Variants in AKAP9 observed in about 807,000 individuals in gnomAD.
The protein encoded by AKAP9 is A-kinase anchor protein 9.
AKAP9 carries 311 observed loss-of-function variants against 488.5 expected under a neutral mutation model. The observed-to-expected ratio is 0.64, with a 90% CI of 0.58 to 0.70. The LOEUF is 0.70. AKAP9 is among the 30% of genes least tolerant of loss of function. AKAP9 has a pLI of 0.00. For synonymous variants in AKAP9, 1,462 were observed against 1,483.5 expected (o/e 0.99, Z 0.33); for missense variants, 4,215 against 4,374.5 (o/e 0.96, Z 1.03).
chr7:92,104,198 T>A lies in AKAP9; in HGVS notation c.11330+1372T>A, dbSNP rs145126194. On this transcript the variant is annotated intron_variant, in intron 46 of 49. Transcript: ENST00000356239. ...GCTTTATTTATTTATTTATTTTTTT[T>A]TTTTTTTTTTGAGACAGAGTCTTGC... is the stretch of plus-strand genomic sequence containing the variant. Among the ~76,000 whole-genome samples, 567 of 86,488 alleles carry A rather than the reference T, an allele frequency of 6.6e-3. 5 individuals carry two copies. The highest frequency in any genetic ancestry group is 0.011 in the African/African-American group (240 of 22,250). The allele number at this position is 86,488 out of a possible 152,430, so 56.7% of individuals were successfully genotyped here. A position where few individuals can be genotyped will look rare whatever the true frequency, so the allele number is the denominator to read the frequency against.
At chr7:92,050,505 G>A (rs991211646) in intron 21 of AKAP9, among the ~76,000 whole-genome samples, 3 of 152,102 alleles carry the variant, frequency 2.0e-5, no homozygotes, top group Non-Finnish European at 4.4e-5. Context: ...CTTCCCAGTC[G>A]TTGTCTTGTT....
chr7:92,029,481 TA>T (rs961897892), intron 14 of AKAP9, among the ~76,000 whole-genome samples: 1 of 152,016 alleles, frequency 6.6e-6, no homozygotes, highest in Non-Finnish European at 1.5e-5. Flanking sequence ...TAGATAACTT[TA>T]AAAAAAATGT....
intron 37 of AKAP9, 98 bp downstream of exon 37, chr7:92,086,514 TAGG>T (rs1362911490): frequency 2.1e-6 from 2 of 930,516 alleles, no homozygotes; most frequent in African/African-American, 3.3e-5. Context: ...AAGATTTTAA[TAGG>T]AGCCACTATG....
intron 40 of AKAP9, 28 bp from the exon 41 acceptor site, chr7:92,096,661 G>A (rs1425393403): frequency 5.0e-6 from 8 of 1,612,758 alleles, no homozygotes; most frequent in Admixed American, 3.3e-5. Flanking sequence ...ATATTAACAA[G>A]TTCTTAAATT....
chr7:92,028,716 A>G (rs1224785503), intron 14 of AKAP9, among the ~76,000 whole-genome samples: 5 of 152,250 alleles, frequency 3.3e-5, no homozygotes, highest in African/African-American at 4.8e-5. Context: ...AAATACTTAA[A>G]TGATACTATT....
chr7:91,948,611 T>C (rs1294034673), intron 1 of AKAP9, among the ~76,000 whole-genome samples: 496 of 24,980 alleles, frequency 0.02, 1 homozygote, highest in African/African-American at 0.048. Flanking sequence ...ATTTCTTTTT[T>C]TTTTTTTTTT....
Position 92,001,898 on chromosome 7 carries a change from A to C in AKAP9, c.1981A>C (p.Ile661Leu), listed in dbSNP as rs961090757. Residue 661 changes from isoleucine to leucine, a missense_variant, in exon 8 of 50, where the codon ATT (isoleucine) becomes CTT (leucine). By Grantham distance (5) the Ile-to-Leu change is conservative. Coordinates refer to ENST00000356239, the MANE Select transcript of AKAP9 (RefSeq NM_005751.5). ...NIEKLKDNLG[I>L]HYKQQIDGLQ... Reference sequence around the variant, plus strand: ...TGAAAAACTTAAAGATAATTTAGGCATTCACTATAAACAGCAGATAGATGG... The same window carrying C: ...TGAAAAACTTAAAGATAATTTAGGCCTTCACTATAAACAGCAGATAGATGG... The C allele has an allele frequency of 2.0e-5, 32 of 1,612,458 alleles. No individual in the cohort carries two copies. Among genetic ancestry groups the C allele is most frequent in the Non-Finnish European group, 2.7e-5 (32 of 1,178,928 alleles).
Position 92,054,913 on chromosome 7 carries a change from C to A in AKAP9, c.5601+1955C>A, listed in dbSNP as rs187996138. ...TTTAACACAATCCTTATTCAGTAGT[C>A]TCTTTGTGGTTCTGCAGAAATGTTA... On this transcript the variant is annotated intron_variant, in intron 22 of 49. Coordinates refer to ENST00000356239, the MANE Select transcript of AKAP9 (RefSeq NM_005751.5). 9.9e-5 allele frequency among the ~76,000 whole-genome samples: 15 copies of A among 152,060 alleles called. No homozygotes were observed. The South Asian group carries it at 1.0e-3, about 11-fold the overall frequency.
Position 92,062,290 on chromosome 7 carries a change from T to C in AKAP9, c.5781T>C (p.Tyr1927=). The change falls in exon 24 of 50, where the codon TAT becomes TAC. Residue 1927 remains tyrosine, a synonymous_variant. Transcript: ENST00000356239. ...LSKAEGVIDG[Y]ADEKTLFERQ... ...GTATTATAGGCGTCATTGATGGCTA[T>C]GCAGATGAAAAAACTCTTTTTGAAA... is the stretch of plus-strand genomic sequence containing the variant. 1.2e-6 allele frequency: 2 copies of C among 1,613,232 alleles called. No homozygotes were observed. Among genetic ancestry groups the C allele is most frequent in the South Asian group, 1.1e-5 (1 of 91,054 alleles).
rs35346628 is a variant in AKAP9, at chr7:92,045,830, C to CTTTTTT, written c.5368+633_5368+638dup. 1.4e-3 allele frequency among the ~76,000 whole-genome samples: 152 copies of CTTTTTT among 108,850 alleles called. 1 individual carries two copies. The highest frequency in any genetic ancestry group is 2.0e-3 in the Non-Finnish European group (109 of 53,418). The allele number at this position is 108,850 out of a possible 152,430, so 71.4% of individuals were successfully genotyped here. A position where few individuals can be genotyped will look rare whatever the true frequency, so the allele number is the denominator to read the frequency against. ...GTGGATTCAGCTCTTCTTTCCGTTT[C>CTTTTTT]TTTTTTTTTTTTTTTTTTTTTGAGA... On this transcript the variant is annotated intron_variant, in intron 21 of 49. Coordinates refer to ENST00000356239, the MANE Select transcript of AKAP9 (RefSeq NM_005751.5).
intron 7 of AKAP9, among the ~76,000 whole-genome samples, chr7:91,998,416 CTCTTTTTTTTTTTTTTTT>C (rs1222876256): frequency 5.2e-5 from 3 of 57,354 alleles, no homozygotes; most frequent in East Asian, 4.6e-4. Flanking sequence ...AACCACAGGG[CTCTTTTTTTTTTTTTTTT>C]TTTTTTTTTT....
rs192071563 is a variant in AKAP9, at chr7:91,979,242, G to A, written c.307-1047G>A. On this transcript the variant is annotated intron_variant, in intron 2 of 49. Transcript: ENST00000356239. ...GAAAAAGAGGTTTAATGGACTCACAGTTCCACGTGGCTGGTGAGGCCTCAC... is the reference window on the plus strand; with the variant it reads ...GAAAAAGAGGTTTAATGGACTCACAATTCCACGTGGCTGGTGAGGCCTCAC... Among the ~76,000 whole-genome samples, 363 of 152,244 alleles carry A rather than the reference G, an allele frequency of 2.4e-3. 2 individuals are homozygous for A. The highest frequency in any genetic ancestry group is 7.4e-3 in the South Asian group (36 of 4,834).
chr7:92,040,998 GC>G, intron 18 of AKAP9, 100 bp downstream of exon 18: 1 of 1,026,792 alleles, frequency 9.7e-7, no homozygotes, highest in Non-Finnish European at 1.4e-6. Flanking sequence ...TTTTTATGTA[GC>G]CATAATTTTT....
At chr7:91,994,064 G>A (rs1203687188) in intron 5 of AKAP9, among the ~76,000 whole-genome samples, 3 of 152,148 alleles carry the variant, frequency 2.0e-5, no homozygotes, top group Non-Finnish European at 1.5e-5. Flanking sequence ...AGGAGATTGA[G>A]GCTGTAGTGA....
chr7:92,002,716 TGTTGAAAAGGATACAACAGAAC>T lies in AKAP9; in HGVS notation c.2800_2821del (p.Val934SerfsTer7). Reference sequence around the variant, plus strand: ...CAGAAACATTGGAAATGGGTGAGGTTGTTGAAAAGGATACAACAGAACTCATGGAAAAACTTGAGGTAACCAA... The same window carrying T: ...CAGAAACATTGGAAATGGGTGAGGTTTCATGGAAAAACTTGAGGTAACCAA... On this transcript the variant is annotated frameshift_variant, in exon 8 of 50. Transcript: ENST00000356239. LOFTEE classifies it high-confidence loss of function. 6.2e-7 allele frequency: 1 copy of T among 1,613,634 alleles called. No individual in the cohort carries two copies. The highest frequency in any genetic ancestry group is 8.5e-7 in the Non-Finnish European group (1 of 1,179,704).
chr7:92,079,088 G>GA lies in AKAP9; in HGVS notation c.6962dup (p.Asn2321LysfsTer2). 1.9e-6 allele frequency: 3 copies of GA among 1,601,332 alleles called. No individual in the cohort carries two copies. Among genetic ancestry groups the GA allele is most frequent in the South Asian group, 1.1e-5 (1 of 88,024 alleles). On this transcript the variant is annotated frameshift_variant, in exon 31 of 50. Transcript: ENST00000356239. LOFTEE classifies it high-confidence loss of function. ...TTTCATTAATTATTAGGTTATTGAA[G>GA]AAAAAAATGAACTGATAAGGGATCT...
In AKAP9 at chr7:92,096,620, A is replaced by G. The variant is rs928413532; in HGVS notation, c.9730-69A>G. 2.5e-6 allele frequency: 4 copies of G among 1,583,832 alleles called. No individual in the cohort carries two copies. The African/African-American group carries it at 5.4e-5, about 21-fold the overall frequency. On this transcript the variant is annotated intron_variant, in intron 40 of 49. Coordinates refer to ENST00000356239, the MANE Select transcript of AKAP9 (RefSeq NM_005751.5). ...CCAAAGTGCTGGGATTACAGGCGTG[A>G]GCCACCACGCCCGGCCAAGTATTTT...
intron 8 of AKAP9, among the ~76,000 whole-genome samples, chr7:92,003,761 T>C (rs1364661770): frequency 6.6e-6 from 1 of 152,060 alleles, no homozygotes; most frequent in Non-Finnish European, 1.5e-5. Flanking sequence ...GTCTTTATTA[T>C]ACCTGAAGGG....
intron 32 of AKAP9, 101 bp from the exon 33 acceptor site, chr7:92,083,069 G>A (rs1003629399): frequency 2.2e-5 from 30 of 1,375,614 alleles, no homozygotes; most frequent in African/African-American, 1.0e-4. Context: ...GAAAATGAAC[G>A]TATAATCATG....
Sources: allele counts gnomAD v4.1 joint callset (sites outside exome capture counted in the v4.1 genomes callset), GRCh38; gene constraint gnomAD v4.1.1; transcripts MANE v1.5; gene names NCBI Gene and HGNC (gene_info 2026-07-23, HGNC 2026-07-21).